The following RASGEF1C variants were observed in gnomAD, a reference collection of about 807,000 sequenced individuals.
RASGEF1C encodes RasGEF domain family member 1C.
A neutral mutation model predicts 58.1 loss-of-function variants in RASGEF1C; 27 were observed. That is an observed-to-expected ratio of 0.46 (90% CI 0.34 to 0.64). The LOEUF (loss-of-function observed/expected upper bound fraction) is 0.64, where lower values mean the gene tolerates loss of function less well. RASGEF1C is among the 30% of genes least tolerant of loss of function. The pLI is 0.01. For synonymous variants in RASGEF1C, 243 were observed against 246.3 expected, an observed-to-expected ratio of 0.99 and a Z score of 0.13; for missense variants, 502 against 605.1, an observed-to-expected ratio of 0.83 and a Z score of 1.79.
intron 1 of RASGEF1C, among the ~76,000 whole-genome samples, chr5:180,174,044 G>A (rs1052314075): frequency 3.3e-5 from 5 of 152,024 alleles, no homozygotes; most frequent in Non-Finnish European, 5.9e-5. Context: ...GGTCCTCCTC[G>A]CTGCTGCTCT....
intron 1 of RASGEF1C, among the ~76,000 whole-genome samples, chr5:180,188,561 G>T (rs1192694438): frequency 6.6e-6 from 1 of 152,176 alleles, no homozygotes; most frequent in Non-Finnish European, 1.5e-5. Context: ...TCCCCAACTG[G>T]ATAAAAGGCA....
rs552968119 is a variant in RASGEF1C at position 180,196,516 on chromosome 5, A to G, written c.-7+12512T>C. ...TCTGTCTCAAAAAAGAAAAAAAAAG[A>G]AAAAAAAAAAAGAAATAGTATTGTT... On this transcript the variant is annotated intron_variant, in intron 1 of 13. Transcript: ENST00000361132. Among the ~76,000 whole-genome samples the G allele has an allele frequency of 4.6e-3, 657 of 141,946 alleles. 1 individual carries two copies. The highest frequency in any genetic ancestry group is 6.6e-3 in the Non-Finnish European group (425 of 64,796). 93.1% of individuals were successfully genotyped at this position (141,946 alleles called of 152,430 possible).
At chr5:180,118,562 C>A (rs62405054) in intron 10 of RASGEF1C, 47 bp downstream of exon 10, 17 of 1,513,128 alleles carry the variant, frequency 1.1e-5, no homozygotes, top group Middle Eastern at 2.2e-4. Flanking sequence ...AGCCAGCACC[C>A]AGGTTCCCTG....
intron 4 of RASGEF1C, among the ~76,000 whole-genome samples, chr5:180,129,353 C>T (rs1343086080): frequency 2.0e-5 from 3 of 152,294 alleles, no homozygotes; most frequent in Middle Eastern, 3.4e-3. Context: ...GAGAGTTAGG[C>T]TTAGGGTTAA....
intron 12 of RASGEF1C, among the ~76,000 whole-genome samples, chr5:180,104,365 A>T (rs1427494251): frequency 6.6e-6 from 1 of 152,226 alleles, no homozygotes; most frequent in African/African-American, 2.4e-5. Flanking sequence ...CCCATCTGCC[A>T]AATGAGGACA....
At chr5:180,167,531 T>A in intron 1 of RASGEF1C, among the ~76,000 whole-genome samples, 1 of 152,176 alleles carries the variant, frequency 6.6e-6, no homozygotes. Flanking sequence ...TTAAATAAAA[T>A]TTTGGTTATT....
chr5:180,174,895 T>C (rs1767197734), intron 1 of RASGEF1C, among the ~76,000 whole-genome samples: 1 of 152,196 alleles, frequency 6.6e-6, no homozygotes. Context: ...AGCTAGAACA[T>C]GAGGTCACGA....
chr5:180,118,706 T>G lies in RASGEF1C; in HGVS notation c.988-2A>C. 1.2e-6 allele frequency: 2 copies of G among 1,614,132 alleles called. No homozygotes were observed. The highest frequency in any genetic ancestry group is 1.7e-6 in the Non-Finnish European group (2 of 1,179,996). ...ATTCCCCGTTGGGTCCATCTGGTGCTGGAAGGAGACAGGGAGGCATGTGGG... is the reference window on the plus strand; with the variant it reads ...ATTCCCCGTTGGGTCCATCTGGTGCGGGAAGGAGACAGGGAGGCATGTGGG... On this transcript the variant is annotated splice_acceptor_variant, in intron 9 of 13. Coordinates refer to ENST00000361132, the MANE Select transcript of RASGEF1C (RefSeq NM_175062.4). LOFTEE classifies it high-confidence loss of function.
At chr5:180,190,525 A>G (rs765031578) in intron 1 of RASGEF1C, among the ~76,000 whole-genome samples, 1 of 132,648 alleles carries the variant, frequency 7.5e-6, no homozygotes, top group African/African-American at 2.6e-5. Flanking sequence ...TAATAATAAT[A>G]ATAATTAGCC....
chr5:180,181,880 C>T (rs928815033), intron 1 of RASGEF1C, among the ~76,000 whole-genome samples: 11 of 152,118 alleles, frequency 7.2e-5, no homozygotes, highest in African/African-American at 2.2e-4. Flanking sequence ...ACAGTTTCTT[C>T]GGTTGGTTTG....
At chr5:180,165,211 C>T (rs1038917470) in intron 1 of RASGEF1C, among the ~76,000 whole-genome samples, 1 of 151,876 alleles carries the variant, frequency 6.6e-6, no homozygotes, top group Non-Finnish European at 1.5e-5. Context: ...TTAAAAAAAC[C>T]CACTCTGGCA....
intron 1 of RASGEF1C, among the ~76,000 whole-genome samples, chr5:180,180,343 C>T (rs909908348): frequency 6.6e-6 from 1 of 152,204 alleles, no homozygotes; most frequent in Admixed American, 6.5e-5. Context: ...CACAAAGCTG[C>T]CTCTTTCCTA....
At chr5:180,133,970 T>C (rs2113273412) in intron 4 of RASGEF1C, among the ~76,000 whole-genome samples, 1 of 152,292 alleles carries the variant, frequency 6.6e-6, no homozygotes, top group East Asian at 1.9e-4. Context: ...TATCCTGTTT[T>C]ACCGATAGGG....
intron 4 of RASGEF1C, among the ~76,000 whole-genome samples, chr5:180,133,676 T>C (rs1766406884): frequency 6.6e-6 from 1 of 152,218 alleles, no homozygotes; most frequent in Non-Finnish European, 1.5e-5. Context: ...ACAGCTAACT[T>C]GTGGGAAAGC....
chr5:180,175,852 G>C (rs1703018726), intron 1 of RASGEF1C, among the ~76,000 whole-genome samples: 4 of 152,310 alleles, frequency 2.6e-5, no homozygotes, highest in Admixed American at 1.3e-4. Flanking sequence ...GCCGGGCGCA[G>C]TGGCGGGCGC....
intron 12 of RASGEF1C, among the ~76,000 whole-genome samples, chr5:180,109,149 AATC>A (rs1765914329): frequency 6.6e-6 from 1 of 152,184 alleles, no homozygotes; most frequent in Non-Finnish European, 1.5e-5. Flanking sequence ...TAATGACAAC[AATC>A]ATCATAATAA....
intron 1 of RASGEF1C, among the ~76,000 whole-genome samples, chr5:180,171,284 T>C (rs1767102620): frequency 6.6e-6 from 1 of 151,918 alleles, no homozygotes; most frequent in Non-Finnish European, 1.5e-5. Context: ...GTGACCTGTT[T>C]CTGGGGAAGG....
intron 1 of RASGEF1C, among the ~76,000 whole-genome samples, chr5:180,206,706 G>GTT (rs1756494850): frequency 6.6e-6 from 1 of 152,140 alleles, no homozygotes; most frequent in Admixed American, 6.5e-5. Flanking sequence ...GACATAATTT[G>GTT]AATAAACAAT....
intron 4 of RASGEF1C, among the ~76,000 whole-genome samples, chr5:180,132,662 G>A (rs558951752): frequency 9.0e-4 from 137 of 152,352 alleles, no homozygotes; most frequent in African/African-American, 3.0e-3. Flanking sequence ...CAGACAGTCC[G>A]TGTGGGCGAG....
Sources: allele counts gnomAD v4.1 joint callset (sites outside exome capture counted in the v4.1 genomes callset), GRCh38; gene constraint gnomAD v4.1.1; transcripts MANE v1.5; gene names NCBI Gene and HGNC (gene_info 2026-07-23, HGNC 2026-07-21).